Variants in EML6 observed in about 807,000 individuals in gnomAD.
EML6 encodes echinoderm microtubule-associated protein-like 6.
Under a neutral mutation model 240.1 loss-of-function variants are expected in EML6, and 154 were observed. That is an observed-to-expected ratio of 0.64 (90% CI 0.56 to 0.73). The LOEUF is 0.73. Ranked by LOEUF, EML6 falls within the 30% of genes least tolerant of loss-of-function variation. EML6 has a pLI of 0.00. For missense variants in EML6, 2,964 were observed against 2,474.6 expected, an observed-to-expected ratio of 1.20 and a Z score of -4.20; for synonymous variants, 1,148 against 899.0, an observed-to-expected ratio of 1.28 and a Z score of -4.95.
Position 54,928,628 on chromosome 2 carries a change from A to G in EML6, c.3881A>G (p.Tyr1294Cys). The G allele has an allele frequency of 6.4e-7, 1 of 1,552,218 alleles. No homozygotes were observed. Among genetic ancestry groups the G allele is most frequent in the East Asian group, 2.4e-5 (1 of 40,914 alleles). ...SDTDVEEDGG[Y>C]DSDVAREKAI... Reference sequence around the variant, plus strand: ...CAATCTCTTTCTGTTGTTTGAGGCTATGACAGCGATGTTGCTAGAGAAAAG... The same window carrying G: ...CAATCTCTTTCTGTTGTTTGAGGCTGTGACAGCGATGTTGCTAGAGAAAAG... Residue 1294 changes from tyrosine to cysteine, a missense_variant, in exon 28 of 42, where the codon TAT (tyrosine) becomes TGT (cysteine). Coordinates refer to ENST00000356458, the MANE Select transcript of EML6 (RefSeq NM_001039753.4).
chr2:54,855,462 C>CA (rs1670324186), intron 11 of EML6, among the ~76,000 whole-genome samples: 1 of 136,428 alleles, frequency 7.3e-6, no homozygotes, highest in African/African-American at 2.7e-5. Flanking sequence ...TACCATGCCC[C>CA]CCCCCCGCCC....
Position 54,942,482 on chromosome 2 carries a change from G to A in EML6, c.4005-6400G>A, listed in dbSNP as rs181076198. 1.5e-3 allele frequency among the ~76,000 whole-genome samples: 230 copies of A among 152,198 alleles called. 2 individuals carry two copies. Among genetic ancestry groups the A allele is most frequent in the African/African-American group, 4.6e-3 (192 of 41,500 alleles). On this transcript the variant is annotated intron_variant, in intron 28 of 41. Coordinates refer to ENST00000356458, the MANE Select transcript of EML6 (RefSeq NM_001039753.4). The stretch of plus-strand genomic sequence containing the variant: ...TACCAGGGGTGTTGATCTGCCTCCT[G>A]TCAATTAGTGTGTGGTCAGGATGTG...
chr2:54,842,851 G>GA (rs1240239503), intron 7 of EML6, among the ~76,000 whole-genome samples: 2 of 152,222 alleles, frequency 1.3e-5, no homozygotes, highest in Admixed American at 1.3e-4. Context: ...TTTTGGAGAA[G>GA]AGGCTTGTGG....
At chr2:54,726,567 A>T (rs1393200869) in intron 2 of EML6, among the ~76,000 whole-genome samples, 1 of 152,170 alleles carries the variant, frequency 6.6e-6, no homozygotes, top group Non-Finnish European at 1.5e-5. Context: ...TGTTCTCAAG[A>T]TTTAGTGGAA....
At chr2:54,761,632 G>A (rs927514482) in intron 2 of EML6, among the ~76,000 whole-genome samples, 8 of 152,074 alleles carry the variant, frequency 5.3e-5, no homozygotes, top group African/African-American at 1.9e-4. Flanking sequence ...GATATAGCTT[G>A]ACTTTAATTT....
At chr2:54,757,464 T>G (rs1185562202) in intron 2 of EML6, among the ~76,000 whole-genome samples, 2 of 152,140 alleles carry the variant, frequency 1.3e-5, no homozygotes, top group Non-Finnish European at 2.9e-5. Flanking sequence ...TCCAATCTCT[T>G]GCCTGGGGGT....
At chr2:54,947,036 T>G (rs909008682) in intron 28 of EML6, among the ~76,000 whole-genome samples, 4 of 152,096 alleles carry the variant, frequency 2.6e-5, no homozygotes, top group Non-Finnish European at 5.9e-5. Flanking sequence ...GTATAATATA[T>G]TACATATTAT....
intron 2 of EML6, among the ~76,000 whole-genome samples, chr2:54,778,242 G>T (rs1377676507): frequency 6.6e-6 from 1 of 152,128 alleles, no homozygotes; most frequent in Admixed American, 6.5e-5. Flanking sequence ...AGTTTAAGAT[G>T]GCAAGTGAAG....
At chr2:54,734,555 C>T (rs578154926) in intron 2 of EML6, among the ~76,000 whole-genome samples, 11 of 152,062 alleles carry the variant, frequency 7.2e-5, no homozygotes, top group Non-Finnish European at 1.5e-5. Flanking sequence ...GTTAGAGGGG[C>T]GCAGATGGAA....
At chr2:54,828,946 C>T (rs1276209570) in intron 6 of EML6, among the ~76,000 whole-genome samples, 2 of 152,178 alleles carry the variant, frequency 1.3e-5, no homozygotes, top group Non-Finnish European at 2.9e-5. Flanking sequence ...GTTCATGTTC[C>T]TAGCCTCTTA....
At chr2:54,830,129 A>G (rs1290171688) in intron 7 of EML6, among the ~76,000 whole-genome samples, 1 of 152,258 alleles carries the variant, frequency 6.6e-6, no homozygotes, top group African/African-American at 2.4e-5. Context: ...CTCACCATAT[A>G]TAGAGTGTAT....
intron 16 of EML6, among the ~76,000 whole-genome samples, chr2:54,873,483 A>G (rs1351189582): frequency 1.3e-5 from 2 of 152,222 alleles, no homozygotes; most frequent in African/African-American, 2.4e-5. Flanking sequence ...TGTGATGGAC[A>G]TGCAGTTTTA....
chr2:54,821,799 A>G (rs964468300), intron 5 of EML6, among the ~76,000 whole-genome samples: 1 of 152,148 alleles, frequency 6.6e-6, no homozygotes, highest in African/African-American at 2.4e-5. Context: ...ACTTCATACT[A>G]TACACTAAAA....
At chr2:54,945,390 C>T (rs1421780059) in intron 28 of EML6, among the ~76,000 whole-genome samples, 3 of 150,078 alleles carry the variant, frequency 2.0e-5, no homozygotes, top group Non-Finnish European at 3.0e-5. Context: ...AAAGCTGTTT[C>T]CTCCAAGGAC....
intron 2 of EML6, among the ~76,000 whole-genome samples, chr2:54,748,605 A>G (rs994516582): frequency 9.2e-5 from 14 of 151,990 alleles, no homozygotes; most frequent in African/African-American, 2.4e-4. Flanking sequence ...TGTAGCCTAC[A>G]CTGGAGTGCA....
intron 2 of EML6, among the ~76,000 whole-genome samples, chr2:54,733,390 C>T (rs114592127): frequency 6.6e-6 from 1 of 152,254 alleles, no homozygotes; most frequent in African/African-American, 2.4e-5. Flanking sequence ...AGTAAGGGAT[C>T]ATCAGTTGCA....
intron 26 of EML6, among the ~76,000 whole-genome samples, chr2:54,921,159 G>T (rs936253807): frequency 1.3e-5 from 2 of 151,934 alleles, no homozygotes; most frequent in African/African-American, 4.8e-5. Context: ...CAGAAAGAAA[G>T]ATGTAAAATT....
chr2:54,836,828 T>G (rs879273824), intron 7 of EML6, among the ~76,000 whole-genome samples: 1 of 152,194 alleles, frequency 6.6e-6, no homozygotes, highest in Non-Finnish European at 1.5e-5. Flanking sequence ...TCATTGGTGT[T>G]TATGAATCCC....
intron 28 of EML6, among the ~76,000 whole-genome samples, chr2:54,935,240 C>T (rs1207442381): frequency 6.6e-6 from 1 of 152,134 alleles, no homozygotes; most frequent in East Asian, 1.9e-4. Context: ...GAGTCCCATG[C>T]TTATCTTTGG....
Sources: gnomAD v4.1 joint callset for allele counts (sites outside exome capture counted in the v4.1 genomes callset) on GRCh38, gnomAD v4.1.1 for gene constraint, MANE v1.5 for transcripts, NCBI Gene and HGNC (gene_info 2026-07-23, HGNC 2026-07-21) for gene names.